ROBO2: variants seen among roughly 807,000 people sequenced by gnomAD.
ROBO2 encodes roundabout guidance receptor 2, also known as roundabout homolog 2.
A neutral mutation model predicts 160.8 loss-of-function variants in ROBO2; 53 were observed. The observed-to-expected ratio is 0.33, with a 90% CI of 0.26 to 0.41. ROBO2 has a LOEUF of 0.41. Among genes scored for constraint, ROBO2 ranks in the 10% least tolerant of loss-of-function variants. The pLI, the probability that ROBO2 is intolerant of heterozygous loss-of-function variation, is 1.00. For missense variants in ROBO2, 1,577 were observed against 1,722.4 expected (o/e 0.92, Z 1.49); for synonymous variants, 664 against 611.7 (o/e 1.09, Z -1.26).
intron 2 of ROBO2, among the ~76,000 whole-genome samples, chr3:76,450,076 C>T (rs2077400942): frequency 6.7e-6 from 1 of 150,272 alleles, no homozygotes; most frequent in East Asian, 2.0e-4. Flanking sequence ...CTAATATAAA[C>T]ACCCAGCACA....
chr3:77,040,068 CT>C, exon 1 of ROBO2: 1 of 744,168 alleles, frequency 1.3e-6, no homozygotes, highest in Non-Finnish European at 1.6e-6. Flanking sequence ...CCCTCCCTCC[CT>C]CCCTCGCTCC....
chr3:76,559,766 G>C (rs1361633904), intron 2 of ROBO2, among the ~76,000 whole-genome samples: 1 of 152,132 alleles, frequency 6.6e-6, no homozygotes, highest in Non-Finnish European at 1.5e-5. Flanking sequence ...ATATGGATAA[G>C]CAACTACGGC....
At chr3:76,929,999 C>T (rs1156269566) in intron 2 of ROBO2, among the ~76,000 whole-genome samples, 1 of 152,174 alleles carries the variant, frequency 6.6e-6, no homozygotes, top group East Asian at 1.9e-4. Flanking sequence ...CTTTCATCTT[C>T]TTGTATATTA....
At chr3:77,002,059 T>A (rs1366839871) in intron 2 of ROBO2, among the ~76,000 whole-genome samples, 2 of 152,144 alleles carry the variant, frequency 1.3e-5, no homozygotes, top group Non-Finnish European at 2.9e-5. Flanking sequence ...TGTGTGAATC[T>A]TGTATTACTA....
At chr3:76,674,818 C>T (rs1431760182) in intron 2 of ROBO2, among the ~76,000 whole-genome samples, 1 of 152,120 alleles carries the variant, frequency 6.6e-6, no homozygotes. Context: ...CGCCTTCACA[C>T]CTAGGCTTTG....
intron 18 of ROBO2, among the ~76,000 whole-genome samples, chr3:77,595,741 A>G (rs778833258): frequency 1.3e-5 from 2 of 152,206 alleles, no homozygotes; most frequent in Admixed American, 6.5e-5. Flanking sequence ...CATTTAATCA[A>G]TATTTTAGCA....
intron 2 of ROBO2, among the ~76,000 whole-genome samples, chr3:77,309,582 A>G (rs1326399700): frequency 6.6e-6 from 1 of 152,250 alleles, no homozygotes; most frequent in Non-Finnish European, 1.5e-5. Flanking sequence ...TACTTGTATT[A>G]AATGTGTTTA....
At chr3:77,237,409 T>TGTGTGTG (rs766161627) in intron 2 of ROBO2, among the ~76,000 whole-genome samples, 1 of 39,794 alleles carries the variant, frequency 2.5e-5, no homozygotes, top group African/African-American at 6.4e-5. Context: ...TTTTGTTTTG[T>TGTGTGTG]TTTGTGTGTG....
At chr3:77,248,013 G>T (rs1055047999) in intron 2 of ROBO2, among the ~76,000 whole-genome samples, 4 of 151,292 alleles carry the variant, frequency 2.6e-5, no homozygotes, top group African/African-American at 7.3e-5. Flanking sequence ...CCCCACCCCC[G>T]TCCTGTGCCT....
chr3:77,182,045 G>A (rs1475578283), intron 2 of ROBO2, among the ~76,000 whole-genome samples: 1 of 152,030 alleles, frequency 6.6e-6, no homozygotes, highest in Non-Finnish European at 1.5e-5. Flanking sequence ...ATATTTTGTA[G>A]ATGGTTATTT....
intron 17 of ROBO2, among the ~76,000 whole-genome samples, chr3:77,592,906 T>C (rs988300946): frequency 2.0e-5 from 3 of 152,202 alleles, no homozygotes; most frequent in East Asian, 1.9e-4. Context: ...CTTTAAACTT[T>C]ACATGTCATG....
chr3:77,338,114 A>G (rs2066674840), intron 2 of ROBO2, among the ~76,000 whole-genome samples: 1 of 152,200 alleles, frequency 6.6e-6, no homozygotes, highest in African/African-American at 2.4e-5. Context: ...TTTAGAAAAC[A>G]GACATCAGAG....
intron 12 of ROBO2, among the ~76,000 whole-genome samples, chr3:77,565,630 C>A (rs898686237): frequency 2.6e-5 from 4 of 151,950 alleles, no homozygotes; most frequent in African/African-American, 7.2e-5. Flanking sequence ...AGGTTGGGGC[C>A]CAGTGTTTGT....
intron 2 of ROBO2, among the ~76,000 whole-genome samples, chr3:76,204,220 T>C (rs1702693949): frequency 6.6e-6 from 1 of 152,186 alleles, no homozygotes; most frequent in African/African-American, 2.4e-5. Flanking sequence ...GAAATTCCTG[T>C]TTACTTGCAA....
At chr3:76,736,918 T>G (rs1355657129) in intron 2 of ROBO2, among the ~76,000 whole-genome samples, 1 of 152,136 alleles carries the variant, frequency 6.6e-6, no homozygotes, top group Non-Finnish European at 1.5e-5. Context: ...CTAAAATATG[T>G]GAGGCAGAAA....
chr3:77,412,771 CA>C (rs1027462005), intron 2 of ROBO2, among the ~76,000 whole-genome samples: 7 of 152,232 alleles, frequency 4.6e-5, no homozygotes, highest in African/African-American at 1.7e-4. Context: ...GGCCCAACCC[CA>C]CACTTCCTGT....
At chr3:76,260,676 T>C (rs1311020059) in intron 2 of ROBO2, among the ~76,000 whole-genome samples, 1 of 152,038 alleles carries the variant, frequency 6.6e-6, no homozygotes. Context: ...TATATCAAAG[T>C]TTTTATTTAA....
intron 2 of ROBO2, among the ~76,000 whole-genome samples, chr3:76,194,200 C>G (rs929764541): frequency 6.6e-6 from 1 of 151,100 alleles, no homozygotes; most frequent in Non-Finnish European, 1.5e-5. Context: ...GAAAGACTAA[C>G]ATTTTATTTT....
At chr3:77,316,534 T>C (rs1040200741) in intron 2 of ROBO2, among the ~76,000 whole-genome samples, 23 of 152,040 alleles carry the variant, frequency 1.5e-4, no homozygotes, top group African/African-American at 5.6e-4. Context: ...GGCTACCGAG[T>C]TCCCCCCAAG....
Sources: gnomAD v4.1 joint callset for allele counts (sites outside exome capture counted in the v4.1 genomes callset) on GRCh38, gnomAD v4.1.1 for gene constraint, MANE v1.5 for transcripts, NCBI Gene and HGNC (gene_info 2026-07-23, HGNC 2026-07-21) for gene names.